ZMYND10: variants seen among roughly 807,000 people sequenced by gnomAD.
ZMYND10 encodes zinc finger MYND-type containing 10, also known as zinc finger MYND domain-containing protein 10.
ZMYND10 carries 52 observed loss-of-function variants against 62.6 expected under a neutral mutation model. The ratio of observed to expected loss-of-function variants is 0.83; its 90% confidence interval spans 0.67 to 1.05. The LOEUF is 1.05. Among genes scored for constraint, ZMYND10 ranks in the 50% least tolerant of loss-of-function variants. The pLI is 0.00. For synonymous variants in ZMYND10, 197 were observed against 218.5 expected, an observed-to-expected ratio of 0.90 and a Z score of 0.87; for missense variants, 438 against 543.3, an observed-to-expected ratio of 0.81 and a Z score of 1.93.
rs754574839 is a variant in ZMYND10, at chr3:50,342,569, C to A, written c.701G>T (p.Gly234Val). The change falls in exon 8 of 12, where the codon GGC becomes GTC. Residue 234 changes from glycine (G) to valine (V), a missense_variant and splice_region_variant. Coordinates refer to ENST00000231749, the MANE Select transcript of ZMYND10 (RefSeq NM_015896.4). The stretch of plus-strand genomic sequence containing the variant: ...GCTGCCCTCGAACTGCTGCAGCTTG[C>A]CTGGGGAGAGGAACCAGCACACTGG... ...EHSPWSRREGGKLQQFEGSRW... is the reference protein window; with the variant it reads ...EHSPWSRREGVKLQQFEGSRW... 6.2e-7 allele frequency: 1 copy of A among 1,611,046 alleles called. No individual in the cohort carries two copies. The highest frequency in any genetic ancestry group is 1.7e-5 in the Admixed American group (1 of 59,890).
chr3:50,341,792 C>T lies in ZMYND10; in HGVS notation c.1121+18G>A, dbSNP rs1319389181. The stretch of plus-strand genomic sequence containing the variant: ...CCTGCATCCCCTCCACCCTCCCTGC[C>T]ATTTCCACAGGCCTTACCTTCGCGC... On this transcript the variant is annotated intron_variant, in intron 10 of 11. Coordinates refer to ENST00000231749, the MANE Select transcript of ZMYND10 (RefSeq NM_015896.4). The T allele has an allele frequency of 3.1e-6, 5 of 1,612,596 alleles. No individual in the cohort carries two copies. The African/African-American group carries it at 6.7e-5, about 22-fold the overall frequency.
At position 50,341,254 on chromosome 3, in the gene ZMYND10, G is replaced by C. The variant is rs1388062708; in HGVS notation, c.*156C>G. 1 of 891,592 alleles carries C rather than the reference G, an allele frequency of 1.1e-6. No homozygotes were observed. Among genetic ancestry groups the C allele is most frequent in the African/African-American group, 1.7e-5 (1 of 60,176 alleles). 55.2% of individuals were successfully genotyped at this position (891,592 alleles called of 1,614,324 possible). A position where few individuals can be genotyped will look rare whatever the true frequency, so the allele number is the denominator to read the frequency against. ...GTCTCGAGCCTTCACTTGGGGTGAG[G>C]AGGAGGGAGATCGGTCAGCAGCTTT... On this transcript the variant is annotated 3_prime_UTR_variant, in exon 12 of 12. Transcript: ENST00000231749.
chr3:50,342,070 G>T lies in ZMYND10; in HGVS notation c.944C>A (p.Ala315Asp), dbSNP rs774945751. ...PNLAHLQSFL[A>D]HLTLTETQPP... ...CTGGGTTTCAGTTAGGGTCAGATGGGCCAGGAAACTCTGCAAGTGGGCCAG... is the reference window on the plus strand; with the variant it reads ...CTGGGTTTCAGTTAGGGTCAGATGGTCCAGGAAACTCTGCAAGTGGGCCAG... The change falls in exon 9 of 12, where the codon GCC (alanine) becomes GAC (aspartate). Residue 315 changes from alanine (A) to aspartate (D), a missense_variant. Physicochemically the swap from Ala to Asp is moderately radical, Grantham distance 126 (BLOSUM62 -2). Transcript: ENST00000231749. The T allele has an allele frequency of 4.3e-6, 7 of 1,614,026 alleles. No individual in the cohort carries two copies. The South Asian group carries it at 4.4e-5, about 10-fold the overall frequency.
chr3:50,344,926 C>A, intron 2 of ZMYND10, 198 bp downstream of exon 2: 1 of 566,222 alleles, frequency 1.8e-6, no homozygotes, highest in Admixed American at 3.0e-5. Flanking sequence ...CTAATCAACT[C>A]ATGCCCTGCA....
In ZMYND10 at chr3:50,345,136, G is replaced by T; in HGVS notation, c.189C>A (p.Val63=). Residue 63 remains valine, a synonymous_variant, in exon 2 of 12, where the codon GTC becomes GTA. Coordinates refer to ENST00000231749, the MANE Select transcript of ZMYND10 (RefSeq NM_015896.4). This position sits in a 1 kb window ranked among gnomAD's most constrained non-coding sequence, Gnocchi z 5.0. ...SQGEPIQELL[V]THGKVPTLVE... is the part of the protein sequence containing the mutation. ...GACCTCGGGGTACCTTCCCATGGGT[G>T]ACCAGCAGCTCCTGAATGGGCTCGC... 6.2e-7 allele frequency: 1 copy of T among 1,613,794 alleles called. No individual in the cohort carries two copies. Among genetic ancestry groups the T allele is most frequent in the South Asian group, 1.1e-5 (1 of 90,938 alleles).
rs749419715 is a variant in ZMYND10 at position 50,343,142 on chromosome 3, C to A, written c.575G>T (p.Arg192Leu). 1.2e-6 allele frequency: 2 copies of A among 1,614,210 alleles called. No individual in the cohort carries two copies. The highest frequency in any genetic ancestry group is 1.7e-6 in the Non-Finnish European group (2 of 1,180,024). The change falls in exon 6 of 12, where the codon CGC (arginine) becomes CTC (leucine). Residue 192 changes from arginine (R) to leucine (L), a missense_variant. By Grantham distance (102) the Arg-to-Leu change is moderately radical. Transcript: ENST00000231749. ...EIALKALSVL[R>L]YITDCVDSLS... The stretch of plus-strand genomic sequence containing the variant: ...CCTGTCCACACAGTCTGTGATGTAG[C>A]GTAGTACTGAGAGGGCCTTCAGTGC...
Position 50,342,147 on chromosome 3 carries a change from G to C in ZMYND10, c.874-7C>G. 6.2e-7 allele frequency: 1 copy of C among 1,608,650 alleles called. No homozygotes were observed. The highest frequency in any genetic ancestry group is 2.2e-5 in the East Asian group (1 of 44,800). On this transcript the variant is annotated splice_polypyrimidine_tract_variant and splice_region_variant and intron_variant, in intron 8 of 11. Transcript: ENST00000231749. Reference sequence around the variant, plus strand: ...CTGTGAGGAAGGCCCGAAGCTGCAAGGGTGTCCAGTGGAGGCCAGTGTGAT... The same window carrying C: ...CTGTGAGGAAGGCCCGAAGCTGCAACGGTGTCCAGTGGAGGCCAGTGTGAT...
At position 50,341,440 on chromosome 3, in the gene ZMYND10, G is replaced by C; in HGVS notation, c.1293C>G (p.Val431=). The change falls in exon 12 of 12, where the codon GTC becomes GTG. Residue 431 remains valine, a synonymous_variant. Coordinates refer to ENST00000231749, the MANE Select transcript of ZMYND10 (RefSeq NM_015896.4). ...TGGCTCTGTCACCCTGGGCTGCCAG[G>C]ACACAAGTCTTTCCATGCTTTTCCC... ...KHWEKHGKTC[V]LAAQGDRAK The C allele has an allele frequency of 6.2e-7, 1 of 1,614,206 alleles. No individual in the cohort carries two copies. Among genetic ancestry groups the C allele is most frequent in the Non-Finnish European group, 8.5e-7 (1 of 1,180,030 alleles).
At chr3:50,343,923 C>T (rs587656272) in intron 2 of ZMYND10, 73 bp from the exon 3 acceptor site, 5 of 1,358,228 alleles carry the variant, frequency 3.7e-6, no homozygotes, top group South Asian at 3.6e-5. Context: ...ATCCCCGGCT[C>T]AGCTCAACCC....
chr3:50,341,551 C>T, intron 11 of ZMYND10, 23 bp downstream of exon 11: 1 of 1,614,192 alleles, frequency 6.2e-7, no homozygotes, highest in Non-Finnish European at 8.5e-7. Context: ...GCTTAGAGGT[C>T]CAAGGTTCTA....
At position 50,345,243 on chromosome 3, in the gene ZMYND10, G is replaced by A. The variant is rs780389451; in HGVS notation, c.93-11C>T. On this transcript the variant is annotated splice_polypyrimidine_tract_variant and intron_variant, in intron 1 of 11. Transcript: ENST00000231749. The surrounding 1 kb of genome is among the most constrained non-coding windows in gnomAD (Gnocchi z 5.0). ...TGCTGCTGGTTCCACCTGCCTCAGA[G>A]GGTAAGTGCATGTGCGTCCACGTGT... 2.3e-5 allele frequency: 37 copies of A among 1,612,362 alleles called. No homozygotes were observed. Among genetic ancestry groups the A allele is most frequent in the Non-Finnish European group, 3.1e-5 (37 of 1,179,220 alleles).
rs746512629 is a variant in ZMYND10, at chr3:50,343,852, T to G, written c.202-2A>C. ...CAGCTCCTCCACCAGTGTTGGGACC[T>G]TTGAAGGGTAGGGTAAAGGACAGGG... is the stretch of plus-strand genomic sequence containing the variant. On this transcript the variant is annotated splice_acceptor_variant, in intron 2 of 11. Coordinates refer to ENST00000231749, the MANE Select transcript of ZMYND10 (RefSeq NM_015896.4). LOFTEE classifies it high-confidence loss of function. The G allele has an allele frequency of 6.2e-7, 1 of 1,613,912 alleles. No homozygotes were observed. The highest frequency in any genetic ancestry group is 2.2e-5 in the East Asian group (1 of 44,886).
intron 3 of ZMYND10, 44 bp from the exon 4 acceptor site, chr3:50,343,660 G>A (rs1180514326): frequency 1.1e-5 from 18 of 1,613,868 alleles, no homozygotes; most frequent in Non-Finnish European, 1.4e-5. Flanking sequence ...AGGGATAGGG[G>A]CTACCAGCTC....
At chr3:50,343,918 C>T (rs1426784139) in intron 2 of ZMYND10, 68 bp from the exon 3 acceptor site, 38 of 1,417,676 alleles carry the variant, frequency 2.7e-5, no homozygotes, top group Non-Finnish European at 3.3e-5. Flanking sequence ...CTCCCATCCC[C>T]GGCTCAGCTC....
Position 50,345,383 on chromosome 3 carries a change from A to G in ZMYND10, c.92+105T>C. The G allele has an allele frequency of 6.6e-7, 1 of 1,514,978 alleles. No individual in the cohort carries two copies. Among genetic ancestry groups the G allele is most frequent in the Admixed American group, 2.0e-5 (1 of 49,398 alleles). 93.8% of individuals were successfully genotyped at this position (1,514,978 alleles called of 1,614,324 possible). Reference sequence around the variant, plus strand: ...CTGTCTCGGAACGCTCTGCTCCCCCATTTGGGAGCCCCTCCACACTGGGCA... The same window carrying G: ...CTGTCTCGGAACGCTCTGCTCCCCCGTTTGGGAGCCCCTCCACACTGGGCA... On this transcript the variant is annotated intron_variant, in intron 1 of 11. Transcript: ENST00000231749. The surrounding 1 kb of genome is among the most constrained non-coding windows in gnomAD (Gnocchi z 5.0).
In ZMYND10 at chr3:50,345,528, C is replaced by A. The variant is rs773952216; in HGVS notation, c.52G>T (p.Gly18Cys). ...LPGEAEVLVR[G>C]LRSFPLREMG... ...TCGCGTAGCGGGAAGCTGCGCAGACCCCGCACCAGCACTTCAGCTTCCCCG... is the reference window on the plus strand; with the variant it reads ...TCGCGTAGCGGGAAGCTGCGCAGACACCGCACCAGCACTTCAGCTTCCCCG... The change falls in exon 1 of 12, where the codon GGT (glycine) becomes TGT (cysteine). Residue 18 changes from glycine to cysteine, a missense_variant. By Grantham distance (159) the Gly-to-Cys change is radical. Coordinates refer to ENST00000231749, the MANE Select transcript of ZMYND10 (RefSeq NM_015896.4). The surrounding 1 kb of genome is among the most constrained non-coding windows in gnomAD (Gnocchi z 5.0). 8 of 1,609,838 alleles carry A rather than the reference C, an allele frequency of 5.0e-6. 1 individual carries two copies. In the South Asian group the frequency reaches 5.5e-5, roughly 11 times the overall value.
chr3:50,341,487 T>C lies in ZMYND10; in HGVS notation c.1248-2A>G. The C allele has an allele frequency of 6.2e-7, 1 of 1,614,264 alleles. No individual in the cohort carries two copies. The highest frequency in any genetic ancestry group is 8.5e-7 in the Non-Finnish European group (1 of 1,180,038). On this transcript the variant is annotated splice_acceptor_variant, in intron 11 of 11. Coordinates refer to ENST00000231749, the MANE Select transcript of ZMYND10 (RefSeq NM_015896.4). LOFTEE classifies it high-confidence loss of function. The stretch of plus-strand genomic sequence containing the variant: ...TCCCAGTGCTTGACTTGGCACTCCC[T>C]GCAGGCAGGTGGGTATTGAGGATGG...
In ZMYND10 at chr3:50,343,497, C is replaced by G. The variant is rs13072164; in HGVS notation, c.373-53G>C. The G allele has an allele frequency of 5.7e-4, 915 of 1,614,102 alleles. 4 individuals are homozygous for G. The African/African-American group carries it at 0.011, about 19-fold the overall frequency. On this transcript the variant is annotated intron_variant, in intron 4 of 11. Transcript: ENST00000231749. ...GTGTCTGATGCCTTCCCCACACAGA[C>G]ACAATCTCCCTTCCTGCCAGGCCCT...
intron 2 of ZMYND10, 164 bp from the exon 3 acceptor site, chr3:50,344,014 A>G (rs1703466211): frequency 1.6e-6 from 1 of 624,336 alleles, no homozygotes; most frequent in Non-Finnish European, 2.8e-6. Context: ...TGCACCTTGG[A>G]CCTTCATTAC....
Sources: allele counts gnomAD v4.1 joint callset, GRCh38; gene constraint gnomAD v4.1.1; non-coding constraint Gnocchi (gnomAD v3.1); transcripts MANE v1.5; gene names NCBI Gene and HGNC (gene_info 2026-07-23, HGNC 2026-07-21).